Variants in TCP11L1 observed in about 807,000 individuals in gnomAD.
TCP11L1 encodes the protein T-complex protein 11-like protein 1.
In TCP11L1, 28 loss-of-function variants were observed where a neutral mutation model predicts 48.9. The ratio of observed to expected loss-of-function variants is 0.57; its 90% CI spans 0.42 to 0.78. The LOEUF is 0.78. Among genes scored for constraint, TCP11L1 ranks in the 30% least tolerant of loss-of-function variants. The pLI is 0.00. For missense variants in TCP11L1, 505 were observed against 613.4 expected (o/e 0.82, Z 1.87); for synonymous variants, 204 against 231.9 (o/e 0.88, Z 1.09).
At position 33,051,549 on chromosome 11, in the gene TCP11L1, G is replaced by A. The variant is rs1308539233; in HGVS notation, c.164-3044G>A. 2.6e-5 allele frequency among the ~76,000 whole-genome samples: 4 copies of A among 151,864 alleles called. No homozygotes were observed. In the South Asian group the frequency reaches 6.2e-4, roughly 24 times the overall value. ...ACTATCCTTGCTTTTCTTTTTTTGA[G>A]ACAGAGTATTGCTCTGTCACCCAGA... On this transcript the variant is annotated intron_variant, in intron 2 of 9. Transcript: ENST00000334274.
rs1854824130 is a variant in TCP11L1, at chr11:33,072,526, G to A, written c.1380G>A (p.Lys460=). ...CCTACCTTGCCTCGGGTCATCAGAAGCCATTGCCCACAGTCCCTGGGGGAC... is the reference window on the plus strand; with the variant it reads ...CCTACCTTGCCTCGGGTCATCAGAAACCATTGCCCACAGTCCCTGGGGGAC... The part of the protein sequence containing the change: ...LETYLASGHQ[K]PLPTVPGGLS... Residue 460 remains lysine (K), a synonymous_variant, in exon 10 of 10, where the codon AAG becomes AAA. Coordinates refer to ENST00000334274, the MANE Select transcript of TCP11L1 (RefSeq NM_018393.4). The A allele has an allele frequency of 1.9e-6, 3 of 1,614,070 alleles. No homozygotes were observed. The highest frequency in any genetic ancestry group is 1.3e-5 in the African/African-American group (1 of 74,940).
intron 2 of TCP11L1, among the ~76,000 whole-genome samples, chr11:33,048,603 T>C (rs1322296836): frequency 6.6e-6 from 1 of 152,246 alleles, no homozygotes; most frequent in Non-Finnish European, 1.5e-5. Context: ...ATTGATAAGT[T>C]TGATTTTAAG....
In TCP11L1 at chr11:33,073,383, G is replaced by C. The variant is rs1181584756; in HGVS notation, c.*707G>C. ...CCTGCATCTGGTTGAGAGCAGTTAT[G>C]ACTTATGAGATCTAGTGAAAGGAAA... On this transcript the variant is annotated 3_prime_UTR_variant, in exon 10 of 10. Transcript: ENST00000334274. 1 of 147,110 alleles carries C rather than the reference G, an allele frequency of 6.8e-6. No homozygotes were observed. The highest frequency in any genetic ancestry group is 1.5e-5 in the Non-Finnish European group (1 of 64,870). The allele number at this position is 147,110 out of a possible 1,614,324, so 9.1% of individuals were successfully genotyped here.
chr11:33,062,341 GTC>G (rs1014189037), intron 7 of TCP11L1, among the ~76,000 whole-genome samples: 70 of 131,410 alleles, frequency 5.3e-4, no homozygotes, highest in African/African-American at 2.1e-3. Context: ...TCTGCTTTCT[GTC>G]TCTATGGATT....
intron 1 of TCP11L1, chr11:33,040,456 C>A (rs1853797859): frequency 6.6e-6 from 1 of 152,128 alleles, no homozygotes; most frequent in African/African-American, 2.4e-5. Flanking sequence ...GAATTGGGGC[C>A]CAGGTATGTC....
Position 33,061,699 on chromosome 11 carries a change from G to GGACCACCTCCAGAGGCCGTTCCCC in TCP11L1, c.948_971dup (p.Asp316_Pro323dup). 1 of 1,605,770 alleles carries GGACCACCTCCAGAGGCCGTTCCCC rather than the reference G, an allele frequency of 6.2e-7. No homozygotes were observed. The highest frequency in any genetic ancestry group is 2.2e-5 in the East Asian group (1 of 44,624). On this transcript the variant is annotated inframe_insertion, in exon 7 of 10. Transcript: ENST00000334274. ...ACGCTTACCTGAAGCTTCTGAAGTG[G>GGACCACCTCCAGAGGCCGTTCCCC]GACCACCTCCAGAGGCCGTTCCCCG...
At chr11:33,050,688 A>G (rs534863398) in intron 2 of TCP11L1, among the ~76,000 whole-genome samples, 1 of 152,226 alleles carries the variant, frequency 6.6e-6, no homozygotes, top group Admixed American at 6.5e-5. Context: ...AATAGAGTCT[A>G]TCATGGAATG....
chr11:33,053,566 G>A (rs1319435489), intron 2 of TCP11L1, among the ~76,000 whole-genome samples: 3 of 152,196 alleles, frequency 2.0e-5, no homozygotes, highest in South Asian at 2.1e-4. Flanking sequence ...TGCAGCAGTC[G>A]ATACAGAAGT....
At chr11:33,060,837 G>A (rs1854446790) in intron 6 of TCP11L1, among the ~76,000 whole-genome samples, 1 of 152,224 alleles carries the variant, frequency 6.6e-6, no homozygotes, top group Non-Finnish European at 1.5e-5. Context: ...CTCTAGAGCT[G>A]GAGTTGCCAG....
intron 9 of TCP11L1, among the ~76,000 whole-genome samples, chr11:33,070,822 T>G (rs1215177371): frequency 1.3e-5 from 2 of 150,868 alleles, no homozygotes; most frequent in Admixed American, 1.3e-4. Flanking sequence ...GCCAACATGG[T>G]GAAACCCCGT....
chr11:33,061,515 C>G lies in TCP11L1; in HGVS notation c.776-15C>G, dbSNP rs1389138635. ...CTTGGTGTCAAGGTAATGTGTGCAG[C>G]TTTGTTTTTCACAGATTCCCTGGAC... On this transcript the variant is annotated splice_polypyrimidine_tract_variant and intron_variant, in intron 6 of 9. Transcript: ENST00000334274. 1.3e-6 allele frequency: 2 copies of G among 1,587,262 alleles called. No individual in the cohort carries two copies. Among genetic ancestry groups the G allele is most frequent in the Admixed American group, 3.5e-5 (2 of 57,528 alleles).
At chr11:33,043,471 G>C (rs1027747703) in intron 1 of TCP11L1, among the ~76,000 whole-genome samples, 8 of 152,328 alleles carry the variant, frequency 5.3e-5, no homozygotes, top group African/African-American at 1.7e-4. Context: ...TTAAGGCCCT[G>C]TATTCTTGAA....
chr11:33,040,440 G>T (rs1853797241), intron 1 of TCP11L1: 1 of 152,210 alleles, frequency 6.6e-6, no homozygotes, highest in African/African-American at 2.4e-5. Flanking sequence ...AGCTAGTAAA[G>T]AGCCAGAATT....
intron 3 of TCP11L1, 103 bp downstream of exon 3, chr11:33,054,828 C>A (rs1194480459): frequency 2.3e-6 from 3 of 1,313,258 alleles, no homozygotes; most frequent in Admixed American, 2.7e-5. Flanking sequence ...CGTATTTTTC[C>A]TTTTGTACAT....
chr11:33,047,904 T>C (rs2133698660), intron 2 of TCP11L1, among the ~76,000 whole-genome samples: 1 of 152,342 alleles, frequency 6.6e-6, no homozygotes, highest in South Asian at 2.1e-4. Context: ...TCCATAAATG[T>C]CCGTCCACTT....
chr11:33,068,130 G>A (rs1312181126), intron 8 of TCP11L1, among the ~76,000 whole-genome samples: 1 of 152,078 alleles, frequency 6.6e-6, no homozygotes, highest in Non-Finnish European at 1.5e-5. Context: ...TGTTGGCCAG[G>A]CTGGTCTTGA....
At position 33,055,416 on chromosome 11, in the gene TCP11L1, G is replaced by A. The variant is rs192391403; in HGVS notation, c.296+691G>A. On this transcript the variant is annotated intron_variant, in intron 3 of 9. Transcript: ENST00000334274. ...CCTGGCAAGAGCAAAAAGTTTGGGA[G>A]GACTAGGGCTCTCCTTTTGTTGGAG... Among the ~76,000 whole-genome samples the A allele has an allele frequency of 6.6e-5, 10 of 152,286 alleles. No individual in the cohort carries two copies. The East Asian group carries it at 1.9e-3, about 29-fold the overall frequency.
At chr11:33,070,786 G>T (rs981983789) in intron 9 of TCP11L1, among the ~76,000 whole-genome samples, 1 of 151,660 alleles carries the variant, frequency 6.6e-6, no homozygotes, top group African/African-American at 2.4e-5. Flanking sequence ...CAGATTACCT[G>T]AGGTCAGGAG....
intron 2 of TCP11L1, among the ~76,000 whole-genome samples, chr11:33,052,569 ATTAC>A (rs1854193942): frequency 6.6e-6 from 1 of 152,138 alleles, no homozygotes; most frequent in Admixed American, 6.5e-5. Context: ...AACCAGTGAC[ATTAC>A]TTATCTAATT....
Sources: gnomAD v4.1 joint callset for allele counts (sites outside exome capture counted in the v4.1 genomes callset) on GRCh38, gnomAD v4.1.1 for gene constraint, MANE v1.5 for transcripts, NCBI Gene and HGNC (gene_info 2026-07-23, HGNC 2026-07-21) for gene names.